The following SPIRE2 variants were observed in gnomAD, a reference collection of about 807,000 sequenced individuals.
SPIRE2 encodes protein spire homolog 2.
SPIRE2 carries 76 observed loss-of-function variants against 80.7 expected under a neutral mutation model. That is an observed-to-expected ratio of 0.94 (90% confidence interval 0.78 to 1.14). SPIRE2 has a LOEUF of 1.14. Ranked by LOEUF, SPIRE2 falls within the 50% of genes most tolerant of loss-of-function variation. The pLI is 0.00. For missense variants in SPIRE2, 1,196 were observed against 1,015.3 expected (o/e 1.18, Z -2.42); for synonymous variants, 535 against 432.6 (o/e 1.24, Z -2.94).
rs562824113 is a variant in SPIRE2 at position 89,864,599 on chromosome 16, T to C, written c.1778+738T>C. On this transcript the variant is annotated intron_variant, in intron 12 of 14. Transcript: ENST00000378247. ...AAGGGACGGTGCTCAGGGGCAGGAA[T>C]GAGTAACATCGGTTTCCACCGGCCA... Among the ~76,000 whole-genome samples, 3 of 152,350 alleles carry C rather than the reference T, an allele frequency of 2.0e-5. No homozygotes were observed. In the South Asian group the frequency reaches 6.2e-4, roughly 32 times the overall value.
At position 89,858,395 on chromosome 16, in the gene SPIRE2, C is replaced by T. The variant is rs1344555513; in HGVS notation, c.1160C>T (p.Ser387Phe). The change falls in exon 8 of 15, where the codon TCC (serine) becomes TTC (phenylalanine). Residue 387 changes from serine to phenylalanine, a missense_variant. Transcript: ENST00000378247. ...NACSGDAKSTSCINLSVTDAG... is the reference protein window; with the variant it reads ...NACSGDAKSTFCINLSVTDAG... ...TGCTCCGGAGATGCCAAGTCCACCT[C>T]CTGCATCAACCTGTCAGTCACAGAT... 1.2e-6 allele frequency: 2 copies of T among 1,612,182 alleles called. No homozygotes were observed. The highest frequency in any genetic ancestry group is 1.3e-5 in the African/African-American group (1 of 74,944).
At chr16:89,853,057 T>A (rs1346718366) in intron 3 of SPIRE2, among the ~76,000 whole-genome samples, 2 of 152,132 alleles carry the variant, frequency 1.3e-5, no homozygotes, top group African/African-American at 2.4e-5. Context: ...AGCTCCCCCT[T>A]GGCCTCCTGG....
intron 1 of SPIRE2, among the ~76,000 whole-genome samples, chr16:89,829,037 C>G (rs567876633): frequency 7.9e-5 from 12 of 152,236 alleles, no homozygotes; most frequent in Non-Finnish European, 1.8e-4. Context: ...CCCGGACCCC[C>G]CCACCTGACG....
At chr16:89,839,794 C>T (rs1268705793) in intron 1 of SPIRE2, among the ~76,000 whole-genome samples, 1 of 152,204 alleles carries the variant, frequency 6.6e-6, no homozygotes, top group African/African-American at 2.4e-5. Context: ...CATGGGCTCC[C>T]CCAGAGCCAT....
Position 89,870,198 on chromosome 16 carries a change from A to G in SPIRE2, c.2071A>G (p.Asn691Asp). Residue 691 changes from asparagine to aspartate, a missense_variant, in exon 15 of 15, where the codon AAC (asparagine) becomes GAC (aspartate). Asn to Asp is a conservative substitution (Grantham distance 23, BLOSUM62 1). Transcript: ENST00000378247. ...RSSRKSVDVL[N>D]TTPRRSRQTQ... The stretch of plus-strand genomic sequence containing the variant: ...CAGCCGCAAGAGCGTGGACGTCCTC[A>G]ACACTACGCCACGACGCAGTCGCCA... 5 of 1,609,836 alleles carry G rather than the reference A, an allele frequency of 3.1e-6. No individual in the cohort carries two copies. Among genetic ancestry groups the G allele is most frequent in the Non-Finnish European group, 4.2e-6 (5 of 1,178,310 alleles).
At chr16:89,856,273 CCCCCGGCTGGGGTTCCCCCATT>C in intron 7 of SPIRE2, 37 bp downstream of exon 7, 1 of 1,537,294 alleles carries the variant, frequency 6.5e-7, no homozygotes, top group Non-Finnish European at 8.8e-7. Context: ...GAGCCCTGAG[CCCCCGGCTGGGGTTCCCCCATT>C]CCCCTGGTCA....
intron 1 of SPIRE2, chr16:89,836,100 G>C (rs944888907): frequency 2.4e-6 from 1 of 422,848 alleles, no homozygotes; most frequent in Non-Finnish European, 4.8e-6. Flanking sequence ...GCTTGAATCT[G>C]GGAGGCGGAG....
chr16:89,831,100 G>T lies in SPIRE2; in HGVS notation c.244+2306G>T, dbSNP rs988202854. Among the ~76,000 whole-genome samples the T allele has an allele frequency of 6.7e-5, 10 of 148,958 alleles. 1 individual carries two copies. The highest frequency in any genetic ancestry group is 2.2e-4 in the African/African-American group (9 of 40,884). On this transcript the variant is annotated intron_variant, in intron 1 of 14. Coordinates refer to ENST00000378247, the MANE Select transcript of SPIRE2 (RefSeq NM_032451.2). The stretch of plus-strand genomic sequence containing the variant: ...AATTTTTTGTATTTTTAGTAGAGAC[G>T]GGGTTTCACCGTGTTAGCCAGGATG...
Position 89,863,604 on chromosome 16 carries a change from G to A in SPIRE2, c.1704G>A (p.Lys568=). ...AGGAGCTCTTCAGCAGTCTGAAGAA[G>A]GGGAAGGTGAGGCTGCCTAGACGTG... The part of the protein sequence containing the change: ...QNKELFSSLK[K]GKICCCCRAK... Residue 568 remains lysine, a synonymous_variant, in exon 11 of 15, where the codon AAG becomes AAA. Coordinates refer to ENST00000378247, the MANE Select transcript of SPIRE2 (RefSeq NM_032451.2). This position sits in a 1 kb window ranked among gnomAD's most constrained non-coding sequence, Gnocchi z 4.3. 1 of 1,614,108 alleles carries A rather than the reference G, an allele frequency of 6.2e-7. No homozygotes were observed. Among genetic ancestry groups the A allele is most frequent in the Non-Finnish European group, 8.5e-7 (1 of 1,180,038 alleles).
rs746797121 is a variant in SPIRE2, at chr16:89,840,459, C to T, written c.245-4863C>T. On this transcript the variant is annotated intron_variant, in intron 1 of 14. Transcript: ENST00000378247. ...AGAGACGGGGTTTCACCGTGTTAGC[C>T]AGGATGGTTTCGATCTCCTGACCTT... Among the ~76,000 whole-genome samples the T allele has an allele frequency of 2.2e-3, 326 of 150,512 alleles. 1 individual carries two copies. The highest frequency in any genetic ancestry group is 3.6e-3 in the Non-Finnish European group (242 of 67,732).
intron 13 of SPIRE2, among the ~76,000 whole-genome samples, chr16:89,868,795 C>T (rs1366706088): frequency 6.6e-6 from 1 of 151,884 alleles, no homozygotes; most frequent in East Asian, 1.9e-4. Context: ...GTGGAGGCCA[C>T]AGTGAGCTAT....
At chr16:89,849,488 T>C (rs866581846) in intron 2 of SPIRE2, among the ~76,000 whole-genome samples, 1 of 152,242 alleles carries the variant, frequency 6.6e-6, no homozygotes, top group Non-Finnish European at 1.5e-5. Flanking sequence ...TCTTTCCTTG[T>C]TGTAAAGCGA....
Position 89,846,057 on chromosome 16 carries a change from C to T in SPIRE2, c.288+692C>T, listed in dbSNP as rs186578983. Reference sequence around the variant, plus strand: ...GACTACTGGTGCCCGCCACCACGCCCGGCTAATTTTTTTCTATTTTTAGTA... The same window carrying T: ...GACTACTGGTGCCCGCCACCACGCCTGGCTAATTTTTTTCTATTTTTAGTA... On this transcript the variant is annotated intron_variant, in intron 2 of 14. Coordinates refer to ENST00000378247, the MANE Select transcript of SPIRE2 (RefSeq NM_032451.2). 2.8e-3 allele frequency: 463 copies of T among 166,142 alleles called. 2 individuals carry two copies. The highest frequency in any genetic ancestry group is 0.011 in the African/African-American group (445 of 41,576). 10.3% of individuals were successfully genotyped at this position (166,142 alleles called of 1,614,324 possible). A position where few individuals can be genotyped will look rare whatever the true frequency, so the allele number is the denominator to read the frequency against.
At chr16:89,863,000 G>C (rs563240791) in intron 10 of SPIRE2, 1 of 170,400 alleles carries the variant, frequency 5.9e-6, no homozygotes. Flanking sequence ...CTCAACATAA[G>C]GTGGCCCCAG....
intron 1 of SPIRE2, 22 bp from the exon 2 acceptor site, chr16:89,845,300 T>C: frequency 6.2e-7 from 1 of 1,613,258 alleles, no homozygotes; most frequent in Non-Finnish European, 8.5e-7. Context: ...GACAAATAAC[T>C]TAACTCCCTC....
intron 2 of SPIRE2, 82 bp downstream of exon 2, chr16:89,845,447 A>G (rs375803357): frequency 7.9e-7 from 1 of 1,262,892 alleles, no homozygotes; most frequent in Non-Finnish European, 1.2e-6. Context: ...TAAAACATAT[A>G]TAGTTACACA....
intron 2 of SPIRE2, among the ~76,000 whole-genome samples, chr16:89,847,899 G>C (rs2041578566): frequency 1.3e-5 from 2 of 152,212 alleles, no homozygotes; most frequent in Admixed American, 1.3e-4. Flanking sequence ...TCAGTAATGT[G>C]ATCAGGAAAA....
Position 89,858,380 on chromosome 16 carries a change from A to T in SPIRE2, c.1145A>T (p.Asp382Val), listed in dbSNP as rs765119131. ...LPCILNACSG[D>V]AKSTSCINLS... ...TGCATCCTCAACGCCTGCTCCGGAG[A>T]TGCCAAGTCCACCTCCTGCATCAAC... The change falls in exon 8 of 15, where the codon GAT becomes GTT. Residue 382 changes from aspartate (D) to valine (V), a missense_variant. Physicochemically the swap from Asp to Val is radical, Grantham distance 152. Transcript: ENST00000378247. The T allele has an allele frequency of 3.1e-6, 5 of 1,611,384 alleles. No individual in the cohort carries two copies. The African/African-American group carries it at 6.7e-5, about 22-fold the overall frequency.
At position 89,845,952 on chromosome 16, in the gene SPIRE2, A is replaced by G. The variant is rs2041555013; in HGVS notation, c.288+587A>G. 3 of 313,800 alleles carry G rather than the reference A, an allele frequency of 9.6e-6. No homozygotes were observed. The South Asian group carries it at 1.5e-4, about 15-fold the overall frequency. The allele number at this position is 313,800 out of a possible 1,614,324, so 19.4% of individuals were successfully genotyped here. On this transcript the variant is annotated intron_variant, in intron 2 of 14. Transcript: ENST00000378247. ...CGCTCTGTCGCCCAGGCTGGAGTGC[A>G]GTGGTGTGATCTCGGCTTACTGCAA... is the stretch of plus-strand genomic sequence containing the variant.
Sources: allele counts gnomAD v4.1 joint callset (sites outside exome capture counted in the v4.1 genomes callset), GRCh38; gene constraint gnomAD v4.1.1; non-coding constraint Gnocchi (gnomAD v3.1); transcripts MANE v1.5; gene names NCBI Gene and HGNC (gene_info 2026-07-23, HGNC 2026-07-21).